MBTPS1: variants seen among roughly 807,000 people sequenced by gnomAD.
MBTPS1 encodes the protein membrane-bound transcription factor site-1 protease.
In MBTPS1, 94 loss-of-function variants were observed where a neutral mutation model predicts 127.8. That is an observed-to-expected ratio of 0.74 (90% CI 0.62 to 0.87). The LOEUF is 0.87. Among genes scored for constraint, MBTPS1 ranks in the 40% least tolerant of loss-of-function variants. The pLI is 0.00. For missense variants in MBTPS1, 1,636 were observed against 1,353.2 expected, an observed-to-expected ratio of 1.21 and a Z score of -3.28; for synonymous variants, 632 against 509.4, an observed-to-expected ratio of 1.24 and a Z score of -3.24.
chr16:84,105,562 C>T (rs2151171428), intron 1 of MBTPS1, among the ~76,000 whole-genome samples: 1 of 152,190 alleles, frequency 6.6e-6, no homozygotes, highest in African/African-American at 2.4e-5. Flanking sequence ...AGCAGAGCAT[C>T]CCAAGCGTGG....
Position 84,085,131 on chromosome 16 carries a change from G to C in MBTPS1, c.1138C>G (p.Leu380Val). 1 of 1,614,076 alleles carries C rather than the reference G, an allele frequency of 6.2e-7. No homozygotes were observed. The highest frequency in any genetic ancestry group is 8.5e-7 in the Non-Finnish European group (1 of 1,179,972). ...FSSRGMTTWE[L>V]PGGYGRMKPD... Reference sequence around the variant, plus strand: ...TTCATGCGACCGTAGCCTCCTGGTAGCTCCTATGAATAAAAGCAGCTTGGT... The same window carrying C: ...TTCATGCGACCGTAGCCTCCTGGTACCTCCTATGAATAAAAGCAGCTTGGT... Residue 380 changes from leucine to valine, a missense_variant, in exon 10 of 23, where the codon CTA becomes GTA. Coordinates refer to ENST00000343411, the MANE Select transcript of MBTPS1 (RefSeq NM_003791.4).
At position 84,093,718 on chromosome 16, in the gene MBTPS1, C is replaced by G. The variant is rs757202498; in HGVS notation, c.729G>C (p.Leu243=). ...ACTGCTGCTGAGACCCACCATCGTC[C>G]AGCGTTCGCTCGTTGGTCCAGTTGG... is the stretch of plus-strand genomic sequence containing the variant. ...ERTNWTNERT[L]DDGLGHGTFV... Residue 243 remains leucine (L), a synonymous_variant, in exon 5 of 23, where the codon CTG becomes CTC. Coordinates refer to ENST00000343411, the MANE Select transcript of MBTPS1 (RefSeq NM_003791.4). 1.9e-6 allele frequency: 3 copies of G among 1,612,290 alleles called. No homozygotes were observed. Among genetic ancestry groups the G allele is most frequent in the Non-Finnish European group, 1.7e-6 (2 of 1,178,448 alleles).
At chr16:84,109,479 TC>T (rs1301622937) in intron 1 of MBTPS1, 1 of 152,090 alleles carries the variant, frequency 6.6e-6, no homozygotes, top group African/African-American at 2.4e-5. Context: ...CACCAAGTTG[TC>T]CAAGGGAAGC....
At chr16:84,099,412 T>G in intron 2 of MBTPS1, 102 bp from the exon 3 acceptor site, 2 of 1,177,168 alleles carry the variant, frequency 1.7e-6, no homozygotes, top group Non-Finnish European at 2.4e-6. Context: ...AAAATTATCT[T>G]AAAGCCCACA....
At chr16:84,055,884 C>T in intron 22 of MBTPS1, 121 bp downstream of exon 22, 4 of 1,150,726 alleles carry the variant, frequency 3.5e-6, no homozygotes, top group Admixed American at 4.6e-5. Context: ...GCCAAGGCCA[C>T]CACAGCTCCC....
chr16:84,100,130 G>C (rs959240791), intron 2 of MBTPS1, among the ~76,000 whole-genome samples: 16 of 152,232 alleles, frequency 1.1e-4, no homozygotes, highest in Non-Finnish European at 4.4e-5. Flanking sequence ...TCAAGGTGTA[G>C]GCTGGGCACA....
chr16:84,103,512 A>T (rs1424834618), intron 1 of MBTPS1, among the ~76,000 whole-genome samples: 1 of 152,130 alleles, frequency 6.6e-6, no homozygotes, highest in African/African-American at 2.4e-5. Flanking sequence ...TTGGCCTCCC[A>T]AAGTGTTGAG....
At chr16:84,090,821 C>A in intron 8 of MBTPS1, 54 bp downstream of exon 8, 1 of 1,264,178 alleles carries the variant, frequency 7.9e-7, no homozygotes, top group Non-Finnish European at 1.1e-6. Context: ...AACAATTTTT[C>A]AGTTATTTAA....
intron 19 of MBTPS1, among the ~76,000 whole-genome samples, chr16:84,062,398 C>T (rs1456484039): frequency 1.3e-5 from 2 of 152,186 alleles, no homozygotes; most frequent in Admixed American, 6.5e-5. Flanking sequence ...GGATCACAGG[C>T]GTGAGCCACC....
chr16:84,099,789 A>AAAAGATCTC (rs2086229133), intron 2 of MBTPS1, among the ~76,000 whole-genome samples: 1 of 152,102 alleles, frequency 6.6e-6, no homozygotes, highest in Non-Finnish European at 1.5e-5. Context: ...AAAAAAAAAA[A>AAAAGATCTC]AAAGATCTCT....
At chr16:84,108,557 G>A (rs2086356729) in intron 1 of MBTPS1, among the ~76,000 whole-genome samples, 1 of 152,226 alleles carries the variant, frequency 6.6e-6, no homozygotes, top group Non-Finnish European at 1.5e-5. Flanking sequence ...GTGAGCCACT[G>A]CGCCCAGCCC....
rs1465332817 is a variant in MBTPS1 at position 84,060,679 on chromosome 16, C to T, written c.2704+3G>A. 1.2e-6 allele frequency: 2 copies of T among 1,612,480 alleles called. No individual in the cohort carries two copies. Among genetic ancestry groups the T allele is most frequent in the Admixed American group, 1.7e-5 (1 of 59,950 alleles). On this transcript the variant is annotated splice_donor_region_variant and intron_variant, in intron 20 of 22. Coordinates refer to ENST00000343411, the MANE Select transcript of MBTPS1 (RefSeq NM_003791.4). ...CCCCAAGGCATCCTGCCCATCCACT[C>T]ACCTTCCATCCTCTCTGGAGTGACT...
intron 12 of MBTPS1, among the ~76,000 whole-genome samples, chr16:84,071,041 C>G (rs938138363): frequency 1.3e-5 from 2 of 152,092 alleles, no homozygotes; most frequent in Non-Finnish European, 2.9e-5. Flanking sequence ...TATTATAAAA[C>G]AGGAACTTTT....
In MBTPS1 at chr16:84,071,586, T is replaced by C. The variant is rs115523648; in HGVS notation, c.1594-810A>G. Among the ~76,000 whole-genome samples the C allele has an allele frequency of 7.4e-3, 1,124 of 152,236 alleles. 11 individuals are homozygous for C. Among genetic ancestry groups the C allele is most frequent in the African/African-American group, 0.025 (1,056 of 41,518 alleles). On this transcript the variant is annotated intron_variant, in intron 12 of 22. Coordinates refer to ENST00000343411, the MANE Select transcript of MBTPS1 (RefSeq NM_003791.4). ...GCCCATCTCTTGTAACACATCAAAT[T>C]AACACAGATGAAACAATTAAATATT... is the stretch of plus-strand genomic sequence containing the variant.
intron 12 of MBTPS1, among the ~76,000 whole-genome samples, chr16:84,073,667 AAAC>A (rs1351726592): frequency 6.7e-6 from 1 of 149,278 alleles, no homozygotes; most frequent in African/African-American, 2.4e-5. Context: ...AAAATTTACA[AAAC>A]AATATTAAAA....
In MBTPS1 at chr16:84,101,952, C is replaced by T; in HGVS notation, c.-169G>A. ...TTAAATCCCATGGCCTTTTGTGGTT[C>T]AGCCTGAAGAGAGGCTTTCATTTCT... On this transcript the variant is annotated 5_prime_UTR_variant, in exon 2 of 23. Transcript: ENST00000343411. 1.6e-6 allele frequency: 1 copy of T among 606,950 alleles called. No individual in the cohort carries two copies. The allele number at this position is 606,950 out of a possible 1,614,324, so 37.6% of individuals were successfully genotyped here.
chr16:84,072,530 A>G (rs9937120), intron 12 of MBTPS1, among the ~76,000 whole-genome samples: 30,221 of 152,148 alleles, frequency 0.2, 3,111 homozygotes, highest in African/African-American at 0.23. Flanking sequence ...GATGGCTCAC[A>G]CCTGTAATCC....
intron 14 of MBTPS1, among the ~76,000 whole-genome samples, chr16:84,069,335 C>T (rs1398172147): frequency 6.6e-6 from 1 of 152,174 alleles, no homozygotes; most frequent in African/African-American, 2.4e-5. Context: ...TTCTGAAGGG[C>T]TGCATGGGTC....
In MBTPS1 at chr16:84,096,142, C is replaced by G. The variant is rs1251851655; in HGVS notation, c.422-337G>C. Reference sequence around the variant, plus strand: ...ACCTGATTTTCATCAGCAACTTGTTCTCACTGAACCAGAAGGGGGAAAAGT... The same window carrying G: ...ACCTGATTTTCATCAGCAACTTGTTGTCACTGAACCAGAAGGGGGAAAAGT... On this transcript the variant is annotated intron_variant, in intron 3 of 22. Coordinates refer to ENST00000343411, the MANE Select transcript of MBTPS1 (RefSeq NM_003791.4). Among the ~76,000 whole-genome samples, 8 of 152,190 alleles carry G rather than the reference C, an allele frequency of 5.3e-5. 1 individual carries two copies. The highest frequency in any genetic ancestry group is 5.2e-4 in the Admixed American group (8 of 15,282).
Sources: allele counts gnomAD v4.1 joint callset (sites outside exome capture counted in the v4.1 genomes callset), GRCh38; gene constraint gnomAD v4.1.1; transcripts MANE v1.5; gene names NCBI Gene and HGNC (gene_info 2026-07-23, HGNC 2026-07-21).